CYTH4: variants seen among roughly 807,000 people sequenced by gnomAD.
CYTH4 encodes cytohesin 4, also known as cytohesin-4.
In CYTH4, 22 loss-of-function variants were observed where a neutral mutation model predicts 57.5. That is an observed-to-expected ratio of 0.38 (90% confidence interval 0.27 to 0.55). CYTH4 has a LOEUF of 0.55. CYTH4 is among the 20% of genes least tolerant of loss of function. CYTH4 has a pLI of 0.74. For synonymous variants in CYTH4, 186 were observed against 206.5 expected (o/e 0.90, Z 0.85); for missense variants, 420 against 535.6 (o/e 0.78, Z 2.13).
rs970563347 is a variant in CYTH4 at position 37,300,751 on chromosome 22, C to G, written c.435-156C>G. ...CTACCTCCCGCGTGCTTGGGGCTCC[C>G]TGGTGCCCATCCCACTTCCCCGTCA... On this transcript the variant is annotated intron_variant, in intron 6 of 12. Coordinates refer to ENST00000248901, the MANE Select transcript of CYTH4 (RefSeq NM_013385.5). 5 of 640,600 alleles carry G rather than the reference C, an allele frequency of 7.8e-6. No homozygotes were observed. The African/African-American group carries it at 9.1e-5, about 12-fold the overall frequency. The allele number at this position is 640,600 out of a possible 1,614,324, so 39.7% of individuals were successfully genotyped here.
At position 37,311,511 on chromosome 22, in the gene CYTH4, A is replaced by C; in HGVS notation, c.941A>C (p.Asp314Ala). Residue 314 changes from aspartate (D) to alanine (A), a missense_variant, in exon 11 of 13, where the codon GAT becomes GCT. Transcript: ENST00000248901. The surrounding 1 kb of genome is among the most constrained non-coding windows in gnomAD (Gnocchi z 4.4). ...PLENLSVQKV[D>A]DPKKPFCLEL... ...GAGAACCTCTCGGTGCAGAAGGTGGATGACCCCAAGAAGCCAGTAGGTGTT... is the reference window on the plus strand; with the variant it reads ...GAGAACCTCTCGGTGCAGAAGGTGGCTGACCCCAAGAAGCCAGTAGGTGTT... 1 of 1,613,990 alleles carries C rather than the reference A, an allele frequency of 6.2e-7. No individual in the cohort carries two copies. The highest frequency in any genetic ancestry group is 1.7e-5 in the Admixed American group (1 of 60,026).
chr22:37,285,143 G>A (rs1928504324), intron 1 of CYTH4, among the ~76,000 whole-genome samples: 1 of 152,236 alleles, frequency 6.6e-6, no homozygotes, highest in Admixed American at 6.5e-5. Flanking sequence ...CAGCTGTCCT[G>A]GAAGCAGGGC....
Position 37,296,053 on chromosome 22 carries a change from G to A in CYTH4, c.222G>A (p.Met74Ile), listed in dbSNP as rs774745272. The A allele has an allele frequency of 2.0e-5, 33 of 1,612,824 alleles. No individual in the cohort carries two copies. Among genetic ancestry groups the A allele is most frequent in the Non-Finnish European group, 2.8e-5 (33 of 1,179,412 alleles). The change falls in exon 4 of 13, where the codon ATG (methionine) becomes ATA (isoleucine). Residue 74 changes from methionine (M) to isoleucine (I), a missense_variant. Physicochemically the swap from Met to Ile is conservative, Grantham distance 10 (BLOSUM62 1). Coordinates refer to ENST00000248901, the MANE Select transcript of CYTH4 (RefSeq NM_013385.5). ...GTATTGGGCGCAAGAAGTTCAACATGGACCCCGCCAAGGTAGGTGGCTGTG... is the reference window on the plus strand; with the variant it reads ...GTATTGGGCGCAAGAAGTTCAACATAGACCCCGCCAAGGTAGGTGGCTGTG... ...ELCIGRKKFNMDPAKGIQYFI... is the reference protein window; with the variant it reads ...ELCIGRKKFNIDPAKGIQYFI...
At chr22:37,305,302 A>C (rs1929353844) in intron 8 of CYTH4, among the ~76,000 whole-genome samples, 1 of 152,130 alleles carries the variant, frequency 6.6e-6, no homozygotes. Context: ...TTTGGGGTCT[A>C]TTATCTCAAT....
chr22:37,297,688 A>T lies in CYTH4; in HGVS notation c.353+6A>T, dbSNP rs1367320392. ...GGTACCTACCTGGGGGAGAGGTAAG[A>T]ACGAGTGGAGCCTTAGCGAGGCAGG... is the stretch of plus-strand genomic sequence containing the variant. On this transcript the variant is annotated splice_donor_region_variant and intron_variant, in intron 5 of 12. Transcript: ENST00000248901. 1.9e-6 allele frequency: 3 copies of T among 1,610,654 alleles called. No individual in the cohort carries two copies. Among genetic ancestry groups the T allele is most frequent in the Non-Finnish European group, 1.7e-6 (2 of 1,177,128 alleles).
chr22:37,303,439 G>A (rs1237610634), intron 8 of CYTH4, 37 bp downstream of exon 8: 1 of 1,598,070 alleles, frequency 6.3e-7, no homozygotes. Flanking sequence ...TGGCCCCGGG[G>A]AATCCAGGAG....
At chr22:37,294,227 G>A (rs1485998697) in intron 2 of CYTH4, among the ~76,000 whole-genome samples, 3 of 136,370 alleles carry the variant, frequency 2.2e-5, no homozygotes, top group African/African-American at 8.2e-5. Context: ...GTGCAGGCAG[G>A]GTGGAGGTGG....
intron 1 of CYTH4, among the ~76,000 whole-genome samples, chr22:37,284,596 C>A (rs932704277): frequency 1.3e-5 from 2 of 152,168 alleles, no homozygotes; most frequent in Non-Finnish European, 2.9e-5. Context: ...TACGTGGGTG[C>A]CATCATCCTG....
chr22:37,289,344 G>A (rs56166674), intron 1 of CYTH4, among the ~76,000 whole-genome samples: 1,718 of 152,276 alleles, frequency 0.011, 30 homozygotes, highest in African/African-American at 0.039. Context: ...GAAGTGGATG[G>A]CCAGGTGCCC....
At position 37,299,322 on chromosome 22, in the gene CYTH4, G is replaced by A. The variant is rs780228028; in HGVS notation, c.434+16G>A. The A allele has an allele frequency of 6.8e-6, 11 of 1,612,842 alleles. No individual in the cohort carries two copies. Among genetic ancestry groups the A allele is most frequent in the Admixed American group, 3.3e-5 (2 of 59,984 alleles). ...AGGCCCTCAGGTGAGTAGTCCTGGG[G>A]CAGGGTCCCGGCCCTCAAGGGTGGC... On this transcript the variant is annotated intron_variant, in intron 6 of 12. Transcript: ENST00000248901.
chr22:37,314,453 A>C lies in CYTH4; in HGVS notation c.*942A>C. On this transcript the variant is annotated 3_prime_UTR_variant, in exon 13 of 13. Coordinates refer to ENST00000248901, the MANE Select transcript of CYTH4 (RefSeq NM_013385.5). The stretch of plus-strand genomic sequence containing the variant: ...AAGCCAAGAAGGGAGAGTTTCGTGC[A>C]CTGTGGTTAACAGGAGGGCTGCCTG... The C allele has an allele frequency of 5.0e-6, 2 of 398,778 alleles. No individual in the cohort carries two copies. Among genetic ancestry groups the C allele is most frequent in the East Asian group, 7.1e-5 (2 of 28,076 alleles). The allele number at this position is 398,778 out of a possible 1,614,324, so 24.7% of individuals were successfully genotyped here. A position where few individuals can be genotyped will look rare whatever the true frequency, so the allele number is the denominator to read the frequency against.
chr22:37,285,257 G>A (rs554524200), intron 1 of CYTH4, among the ~76,000 whole-genome samples: 2 of 152,008 alleles, frequency 1.3e-5, no homozygotes, highest in Non-Finnish European at 2.9e-5. Context: ...TGGGCGCAAG[G>A]GCAGCACCAG....
chr22:37,294,259 T>TGGAGGTGGGCTGGG (rs1195587494), intron 2 of CYTH4, among the ~76,000 whole-genome samples: 3 of 3,300 alleles, frequency 9.1e-4, no homozygotes, highest in African/African-American at 2.9e-3. Flanking sequence ...GCGGGCAGGG[T>TGGAGGTGGGCTGGG]GGAGGTGGGC....
At chr22:37,292,804 T>C in intron 2 of CYTH4, 101 bp downstream of exon 2, 2 of 1,178,152 alleles carry the variant, frequency 1.7e-6, no homozygotes, top group South Asian at 1.4e-5. Context: ...ACAGACAGTG[T>C]GGCCAACTCT....
At chr22:37,284,549 G>A (rs1321547042) in intron 1 of CYTH4, among the ~76,000 whole-genome samples, 1 of 152,138 alleles carries the variant, frequency 6.6e-6, no homozygotes, top group Non-Finnish European at 1.5e-5. Flanking sequence ...TTCATGGCAC[G>A]GTGACTTCCC....
intron 7 of CYTH4, 45 bp from the exon 8 acceptor site, chr22:37,303,209 G>A: frequency 6.2e-7 from 1 of 1,610,460 alleles, no homozygotes; most frequent in Non-Finnish European, 8.5e-7. Context: ...ACAGAGGCAG[G>A]GAGAGTGGCC....
At chr22:37,307,696 G>A (rs1929453472) in intron 8 of CYTH4, among the ~76,000 whole-genome samples, 1 of 152,178 alleles carries the variant, frequency 6.6e-6, no homozygotes, top group South Asian at 2.1e-4. Flanking sequence ...AGAAACATCT[G>A]AGCAACAGCA....
At chr22:37,304,284 G>C (rs771231220) in intron 8 of CYTH4, 2 of 456,650 alleles carry the variant, frequency 4.4e-6, no homozygotes, top group South Asian at 3.1e-5. Flanking sequence ...CAGTGTGGCC[G>C]AGGTGTGGTA....
intron 2 of CYTH4, among the ~76,000 whole-genome samples, chr22:37,293,104 C>T (rs1052015149): frequency 1.3e-5 from 2 of 152,244 alleles, no homozygotes; most frequent in East Asian, 3.8e-4. Flanking sequence ...CAGACTCAGA[C>T]GTCAGCTCAT....
Sources: gnomAD v4.1 joint callset for allele counts (sites outside exome capture counted in the v4.1 genomes callset) on GRCh38, gnomAD v4.1.1 for gene constraint, Gnocchi (gnomAD v3.1) non-coding constraint, MANE v1.5 for transcripts, NCBI Gene and HGNC (gene_info 2026-07-23, HGNC 2026-07-21) for gene names.